FBXO48: variants seen among roughly 807,000 people sequenced by gnomAD.
FBXO48 encodes F-box only protein 48.
Under a neutral mutation model 14.3 loss-of-function variants are expected in FBXO48, and 12 were observed. The observed-to-expected ratio is 0.84, with a 90% confidence interval of 0.54 to 1.36. FBXO48 has a LOEUF of 1.36. Ranked by LOEUF, FBXO48 falls within the 40% of genes most tolerant of loss-of-function variation. The pLI, the probability that FBXO48 is intolerant of heterozygous loss-of-function variation, is 0.00. For synonymous variants in FBXO48, 53 were observed against 61.7 expected, an observed-to-expected ratio of 0.86 and a Z score of 0.66; for missense variants, 177 against 179.1, an observed-to-expected ratio of 0.99 and a Z score of 0.07.
At position 68,464,924 on chromosome 2, in the gene FBXO48, AG is replaced by A; in HGVS notation, c.221del (p.Ser74PhefsTer8). 5.6e-6 allele frequency: 9 copies of A among 1,613,952 alleles called. No homozygotes were observed. Among genetic ancestry groups the A allele is most frequent in the Non-Finnish European group, 7.6e-6 (9 of 1,179,984 alleles). ...CAGTCATGCAGTGAGGTTTCCATAA[AG>A]AGTCACTGTTTCTTATTGTGTCATT... is the stretch of plus-strand genomic sequence containing the variant. ...SWNDTIRNSDSLWKPHCMTVR... is the reference protein window; with the variant it reads ...SWNDTIRNSDXLWKPHCMTVR... On this transcript the variant is annotated frameshift_variant, in exon 3 of 4. Transcript: ENST00000377957. LOFTEE classifies it high-confidence loss of function.
At position 68,459,892 on chromosome 2, in the gene FBXO48, G is replaced by A. The variant is rs1195053666; in HGVS notation, c.*4317C>T. ...TCCAGAACAGTAGAAGTTATGGATT[G>A]TTTCCAGGCCAAGATGATAAGTTTT... On this transcript the variant is annotated 3_prime_UTR_variant, in exon 4 of 4. Transcript: ENST00000377957. 2 of 152,146 alleles carry A rather than the reference G, an allele frequency of 1.3e-5. No homozygotes were observed. Among genetic ancestry groups the A allele is most frequent in the Non-Finnish European group, 2.9e-5 (2 of 68,032 alleles). The allele number at this position is 152,146 out of a possible 1,614,324, so 9.4% of individuals were successfully genotyped here.
At position 68,464,214 on chromosome 2, in the gene FBXO48, T is replaced by C. The variant is rs950430414; in HGVS notation, c.463A>G (p.Arg155Gly). 1 of 1,613,160 alleles carries C rather than the reference T, an allele frequency of 6.2e-7. No homozygotes were observed. Among genetic ancestry groups the C allele is most frequent in the African/African-American group, 1.3e-5 (1 of 74,922 alleles). ...ATTTGTGATTTTTTTTCCCCTTATC[T>C]TTCCAGTTCTGCTTCTAGAATTTCC... ...WGEILEAELER is the reference protein window; with the variant it reads ...WGEILEAELEG Residue 155 changes from arginine to glycine, a missense_variant, in exon 4 of 4, where the codon AGA becomes GGA. Coordinates refer to ENST00000377957, the MANE Select transcript of FBXO48 (RefSeq NM_001024680.3).
Position 68,463,274 on chromosome 2 carries a change from G to T in FBXO48, c.*935C>A, listed in dbSNP as rs1413388312. The T allele has an allele frequency of 6.6e-6, 1 of 151,834 alleles. No homozygotes were observed. Among genetic ancestry groups the T allele is most frequent in the African/African-American group, 2.4e-5 (1 of 41,282 alleles). 9.4% of individuals were successfully genotyped at this position (151,834 alleles called of 1,614,324 possible). On this transcript the variant is annotated 3_prime_UTR_variant, in exon 4 of 4. Transcript: ENST00000377957. ...ACCACAGATTCAGAATAAACAATTT[G>T]TTATAGTGAGTAGCATATAATCTGT...
chr2:68,461,336 C>T lies in FBXO48; in HGVS notation c.*2873G>A, dbSNP rs1180655235. Reference sequence around the variant, plus strand: ...ACGGAGTCTCGCTCTGTCGCCCAGGCCGGACTGCGGACTGCAGTGGCGCAA... The same window carrying T: ...ACGGAGTCTCGCTCTGTCGCCCAGGTCGGACTGCGGACTGCAGTGGCGCAA... On this transcript the variant is annotated 3_prime_UTR_variant, in exon 4 of 4. Coordinates refer to ENST00000377957, the MANE Select transcript of FBXO48 (RefSeq NM_001024680.3). 4 of 142,124 alleles carry T rather than the reference C, an allele frequency of 2.8e-5. No individual in the cohort carries two copies. Among genetic ancestry groups the T allele is most frequent in the African/African-American group, 1.1e-4 (4 of 35,572 alleles). 8.8% of individuals were successfully genotyped at this position (142,124 alleles called of 1,614,324 possible). A position where few individuals can be genotyped will look rare whatever the true frequency, so the allele number is the denominator to read the frequency against.
rs1403927906 is a variant in FBXO48 at position 68,461,757 on chromosome 2, A to C, written c.*2452T>G. On this transcript the variant is annotated 3_prime_UTR_variant, in exon 4 of 4. Coordinates refer to ENST00000377957, the MANE Select transcript of FBXO48 (RefSeq NM_001024680.3). ...GATAATGTAAAAAAAAAAAAACAAG[A>C]AAACAAAAAACCCAGCTGGGTGCGG... 6.6e-6 allele frequency: 1 copy of C among 151,578 alleles called. No homozygotes were observed. Among genetic ancestry groups the C allele is most frequent in the African/African-American group, 2.4e-5 (1 of 41,222 alleles). 9.4% of individuals were successfully genotyped at this position (151,578 alleles called of 1,614,324 possible). A position where few individuals can be genotyped will look rare whatever the true frequency, so the allele number is the denominator to read the frequency against.
chr2:68,464,294 G>C lies in FBXO48; in HGVS notation c.383C>G (p.Ser128Cys). 7 of 1,613,618 alleles carry C rather than the reference G, an allele frequency of 4.3e-6. No individual in the cohort carries two copies. The highest frequency in any genetic ancestry group is 5.9e-6 in the Non-Finnish European group (7 of 1,179,838). ...GATTTTTTCTGGTAGGCTAATGGGA[G>C]AACAAATGTTGCTGTATCTGCCACT... is the stretch of plus-strand genomic sequence containing the variant. ...WLSGRYSNIC[S>C]PISLPEKIMY... Residue 128 changes from serine to cysteine, a missense_variant, in exon 4 of 4, where the codon TCT (serine) becomes TGT (cysteine). Coordinates refer to ENST00000377957, the MANE Select transcript of FBXO48 (RefSeq NM_001024680.3).
rs1675239573 is a variant in FBXO48, at chr2:68,460,728, G to A, written c.*3481C>T. ...GGATGTTAGAGTATAGAGACGAGAT[G>A]ACAACAGGTGGAACTTTGGGGGAAC... On this transcript the variant is annotated 3_prime_UTR_variant, in exon 4 of 4. Coordinates refer to ENST00000377957, the MANE Select transcript of FBXO48 (RefSeq NM_001024680.3). 6.6e-6 allele frequency: 1 copy of A among 152,128 alleles called. No individual in the cohort carries two copies. The highest frequency in any genetic ancestry group is 2.4e-5 in the African/African-American group (1 of 41,414). The allele number at this position is 152,128 out of a possible 1,614,324, so 9.4% of individuals were successfully genotyped here.
rs1347418733 is a variant in FBXO48 at position 68,466,291 on chromosome 2, G to T, written c.-181C>A. The T allele has an allele frequency of 6.6e-6, 1 of 152,172 alleles. No individual in the cohort carries two copies. Among genetic ancestry groups the T allele is most frequent in the Non-Finnish European group, 1.5e-5 (1 of 68,026 alleles). 9.4% of individuals were successfully genotyped at this position (152,172 alleles called of 1,614,324 possible). A position where few individuals can be genotyped will look rare whatever the true frequency, so the allele number is the denominator to read the frequency against. On this transcript the variant is annotated 5_prime_UTR_variant, in exon 2 of 4. Transcript: ENST00000377957. ...TGCACTTCCTTTTATAACGGGGGTT[G>T]GTTGTGCAAGAGGAGAGGTTTGAGG... is the stretch of plus-strand genomic sequence containing the variant.
Position 68,464,284 on chromosome 2 carries a change from G to A in FBXO48, c.393C>T (p.Ser131=). ...TTGGGTACATGATTTTTTCTGGTAG[G>A]CTAATGGGAGAACAAATGTTGCTGT... ...GRYSNICSPI[S]LPEKIMYPMD... Residue 131 remains serine (S), a synonymous_variant, in exon 4 of 4, where the codon AGC becomes AGT. Coordinates refer to ENST00000377957, the MANE Select transcript of FBXO48 (RefSeq NM_001024680.3). 6.2e-7 allele frequency: 1 copy of A among 1,613,526 alleles called. No homozygotes were observed. Among genetic ancestry groups the A allele is most frequent in the Admixed American group, 1.7e-5 (1 of 60,000 alleles).
chr2:68,465,026 T>G lies in FBXO48; in HGVS notation c.120A>C (p.Ala40=). The G allele has an allele frequency of 1.2e-6, 2 of 1,614,056 alleles. No homozygotes were observed. Among genetic ancestry groups the G allele is most frequent in the Non-Finnish European group, 1.7e-6 (2 of 1,180,036 alleles). ...SQNNFFELLP[A]EITFKIFSQL... ...GACTGAAAATTTTAAAAGTGATTTC[T>G]GCAGGCAGCAGTTCAAAAAAGTTGT... The change falls in exon 3 of 4, where the codon GCA becomes GCC. Residue 40 remains alanine, a synonymous_variant. Coordinates refer to ENST00000377957, the MANE Select transcript of FBXO48 (RefSeq NM_001024680.3).
intron 3 of FBXO48, among the ~76,000 whole-genome samples, chr2:68,464,593 T>C (rs564100394): frequency 6.6e-6 from 1 of 152,276 alleles, no homozygotes; most frequent in African/African-American, 2.4e-5. Flanking sequence ...AATTCCCTTC[T>C]GGTTAACGCA....
rs766047152 is a variant in FBXO48, at chr2:68,464,321, A to T, written c.356T>A (p.Leu119Gln). 6.2e-7 allele frequency: 1 copy of T among 1,613,850 alleles called. No homozygotes were observed. Among genetic ancestry groups the T allele is most frequent in the South Asian group, 1.1e-5 (1 of 91,064 alleles). ...YQKSKVKHEW[L>Q]SGRYSNICSP... ...ACAAATGTTGCTGTATCTGCCACTTAGCCATTCGTGTTTCACTTTACTCTT... is the reference window on the plus strand; with the variant it reads ...ACAAATGTTGCTGTATCTGCCACTTTGCCATTCGTGTTTCACTTTACTCTT... The change falls in exon 4 of 4, where the codon CTA becomes CAA. Residue 119 changes from leucine (L) to glutamine (Q), a missense_variant. Coordinates refer to ENST00000377957, the MANE Select transcript of FBXO48 (RefSeq NM_001024680.3).
intron 2 of FBXO48, among the ~76,000 whole-genome samples, chr2:68,465,513 G>A (rs1054575424): frequency 7.8e-6 from 1 of 128,484 alleles, no homozygotes; most frequent in Non-Finnish European, 1.6e-5. Context: ...AGCGTACCCC[G>A]CCCCTCTTTA....
Position 68,460,680 on chromosome 2 carries a change from G to A in FBXO48, c.*3529C>T, listed in dbSNP as rs945866228. The A allele has an allele frequency of 1.3e-5, 2 of 152,164 alleles. No homozygotes were observed. The highest frequency in any genetic ancestry group is 3.9e-4 in the East Asian group (2 of 5,194). 9.4% of individuals were successfully genotyped at this position (152,164 alleles called of 1,614,324 possible). On this transcript the variant is annotated 3_prime_UTR_variant, in exon 4 of 4. Transcript: ENST00000377957. Reference sequence around the variant, plus strand: ...AGCACCAACAATGGTAGCTGACATAGGAGTTGTAGATGGGATCACCAAGGA... The same window carrying A: ...AGCACCAACAATGGTAGCTGACATAAGAGTTGTAGATGGGATCACCAAGGA...
chr2:68,466,646 T>A (rs1436271075), intron 1 of FBXO48, among the ~76,000 whole-genome samples, 176 bp from the exon 2 acceptor site: 1 of 152,160 alleles, frequency 6.6e-6, no homozygotes, highest in East Asian at 1.9e-4. Flanking sequence ...AACGTTACAG[T>A]GTGTTTATCC....
chr2:68,464,407 T>C (rs1018881765), intron 3 of FBXO48, 37 bp from the exon 4 acceptor site: 1 of 1,598,892 alleles, frequency 6.3e-7, no homozygotes, highest in Non-Finnish European at 8.6e-7. Context: ...AAGACTGTAG[T>C]AGGTGGTTGG....
chr2:68,460,550 A>G lies in FBXO48; in HGVS notation c.*3659T>C, dbSNP rs2103847113. On this transcript the variant is annotated 3_prime_UTR_variant, in exon 4 of 4. Coordinates refer to ENST00000377957, the MANE Select transcript of FBXO48 (RefSeq NM_001024680.3). Reference sequence around the variant, plus strand: ...TATCAAATATTTTATATATATATATATATACTTATACTATCTTTGGATAAA... The same window carrying G: ...TATCAAATATTTTATATATATATATGTATACTTATACTATCTTTGGATAAA... The G allele has an allele frequency of 6.6e-6, 1 of 150,518 alleles. No individual in the cohort carries two copies. The highest frequency in any genetic ancestry group is 2.4e-5 in the African/African-American group (1 of 41,296). The allele number at this position is 150,518 out of a possible 1,614,324, so 9.3% of individuals were successfully genotyped here. A position where few individuals can be genotyped will look rare whatever the true frequency, so the allele number is the denominator to read the frequency against.
At position 68,465,029 on chromosome 2, in the gene FBXO48, A is replaced by G; in HGVS notation, c.117T>C (p.Pro39=). ...ESQNNFFELL[P]AEITFKIFSQ... is the part of the protein sequence containing the mutation. Reference sequence around the variant, plus strand: ...TGAAAATTTTAAAAGTGATTTCTGCAGGCAGCAGTTCAAAAAAGTTGTTTT... The same window carrying G: ...TGAAAATTTTAAAAGTGATTTCTGCGGGCAGCAGTTCAAAAAAGTTGTTTT... Residue 39 remains proline, a synonymous_variant, in exon 3 of 4, where the codon CCT becomes CCC. Coordinates refer to ENST00000377957, the MANE Select transcript of FBXO48 (RefSeq NM_001024680.3). 5 of 1,614,056 alleles carry G rather than the reference A, an allele frequency of 3.1e-6. No individual in the cohort carries two copies. Among genetic ancestry groups the G allele is most frequent in the Non-Finnish European group, 3.4e-6 (4 of 1,180,040 alleles).
intron 3 of FBXO48, 116 bp downstream of exon 3, chr2:68,464,724 T>C: frequency 1.3e-6 from 1 of 749,842 alleles, no homozygotes; most frequent in Non-Finnish European, 2.2e-6. Context: ...GTCAACACAC[T>C]GTCTGTGTTA....
Sources: allele counts gnomAD v4.1 joint callset (sites outside exome capture counted in the v4.1 genomes callset), GRCh38; gene constraint gnomAD v4.1.1; transcripts MANE v1.5; gene names NCBI Gene and HGNC (gene_info 2026-07-23, HGNC 2026-07-21).